The following ZMAT4 variants were observed in gnomAD, a reference collection of about 807,000 sequenced individuals.
ZMAT4 encodes the protein zinc finger matrin-type protein 4.
In ZMAT4, 17 loss-of-function variants were observed where a neutral mutation model predicts 28.7. The ratio of observed to expected loss-of-function variants is 0.59; its 90% CI spans 0.41 to 0.89. The LOEUF (loss-of-function observed/expected upper bound fraction) is 0.89, where lower values mean the gene tolerates loss of function less well. ZMAT4 is among the 40% of genes least tolerant of loss of function. The pLI, the probability that ZMAT4 is intolerant of heterozygous loss-of-function variation, is 0.00. For missense variants in ZMAT4, 240 were observed against 283.8 expected, an observed-to-expected ratio of 0.85 and a Z score of 1.11; for synonymous variants, 117 against 109.2, an observed-to-expected ratio of 1.07 and a Z score of -0.44.
chr8:40,755,694 C>T (rs1410915792), intron 3 of ZMAT4, among the ~76,000 whole-genome samples: 1 of 152,210 alleles, frequency 6.6e-6, no homozygotes, highest in Non-Finnish European at 1.5e-5. Context: ...CTCAAGCAAT[C>T]TGCCCGCCTT....
intron 6 of ZMAT4, among the ~76,000 whole-genome samples, chr8:40,558,304 T>G (rs563680726): frequency 6.6e-6 from 1 of 152,206 alleles, no homozygotes; most frequent in South Asian, 2.1e-4. Flanking sequence ...GATGATATTT[T>G]CCAATGTTCA....
At chr8:40,827,335 A>G (rs1421101685) in intron 1 of ZMAT4, among the ~76,000 whole-genome samples, 1 of 152,228 alleles carries the variant, frequency 6.6e-6, no homozygotes, top group Non-Finnish European at 1.5e-5. Context: ...TGCATTTGAA[A>G]GGGATCAGTA....
At chr8:40,766,841 AC>A (rs1813178392) in intron 3 of ZMAT4, among the ~76,000 whole-genome samples, 1 of 152,242 alleles carries the variant, frequency 6.6e-6, no homozygotes, top group Non-Finnish European at 1.5e-5. Flanking sequence ...ACCGTCATCT[AC>A]ATGGCAGCAG....
intron 3 of ZMAT4, among the ~76,000 whole-genome samples, chr8:40,740,263 A>G (rs1409270620): frequency 6.6e-6 from 1 of 152,208 alleles, no homozygotes; most frequent in Non-Finnish European, 1.5e-5. Context: ...ACCAACATAC[A>G]AAAGTGTTCC....
At chr8:40,894,402 G>A (rs1200298102) in intron 1 of ZMAT4, among the ~76,000 whole-genome samples, 4 of 152,064 alleles carry the variant, frequency 2.6e-5, no homozygotes, top group South Asian at 2.1e-4. Flanking sequence ...TCTACAATTA[G>A]ATCTCCACCC....
At chr8:40,688,609 G>C (rs1439370215) in intron 4 of ZMAT4, among the ~76,000 whole-genome samples, 1 of 152,136 alleles carries the variant, frequency 6.6e-6, no homozygotes, top group African/African-American at 2.4e-5. Context: ...ACTACTGAGT[G>C]CTCAACAAAC....
chr8:40,536,545 A>G (rs535111315), intron 6 of ZMAT4, among the ~76,000 whole-genome samples: 2 of 152,040 alleles, frequency 1.3e-5, no homozygotes, highest in East Asian at 1.9e-4. Context: ...CCTTGCGATT[A>G]CTCCACCTAT....
rs765998372 is a variant in ZMAT4 at position 40,767,650 on chromosome 8, C to T, written c.183G>A (p.Arg61=). The T allele has an allele frequency of 6.2e-7, 1 of 1,612,522 alleles. No homozygotes were observed. The change falls in exon 3 of 7, where the codon CGG becomes CGA. Residue 61 remains arginine, a synonymous_variant. Coordinates refer to ENST00000297737, the MANE Select transcript of ZMAT4 (RefSeq NM_024645.3). ...RDGGCPAKRL[R]SENGSDADMV... ...GGTACCAGATACTCACATTTTCTGA[C>T]CGGAGCCTCTTGGCAGGACACCCTC...
chr8:40,763,215 T>C (rs1418392727), intron 3 of ZMAT4, among the ~76,000 whole-genome samples: 1 of 152,172 alleles, frequency 6.6e-6, no homozygotes, highest in Non-Finnish European at 1.5e-5. Context: ...TTGGGGAAGG[T>C]GTCCATGTCC....
chr8:40,625,566 A>C (rs1806344451), intron 5 of ZMAT4, among the ~76,000 whole-genome samples: 1 of 152,074 alleles, frequency 6.6e-6, no homozygotes, highest in African/African-American at 2.4e-5. Flanking sequence ...AGAGGGAAAG[A>C]AAGGAACTGA....
intron 3 of ZMAT4, among the ~76,000 whole-genome samples, chr8:40,705,431 T>C (rs75019507): frequency 6.6e-6 from 1 of 152,194 alleles, no homozygotes; most frequent in Non-Finnish European, 1.5e-5. Context: ...GATATTTAAA[T>C]GTGCTTATTT....
intron 5 of ZMAT4, among the ~76,000 whole-genome samples, chr8:40,629,012 T>C (rs925615726): frequency 9.2e-5 from 14 of 151,406 alleles, no homozygotes; most frequent in African/African-American, 3.4e-4. Flanking sequence ...CTTTTCTTTT[T>C]TTTTTTTTAA....
chr8:40,685,930 C>T (rs952282059), intron 4 of ZMAT4, among the ~76,000 whole-genome samples: 12 of 152,066 alleles, frequency 7.9e-5, no homozygotes, highest in Non-Finnish European at 1.5e-4. Flanking sequence ...GGCCCAGCCA[C>T]GATAGATGTT....
rs534406600 is a variant in ZMAT4 at position 40,843,322 on chromosome 8, C to A, written c.-4-17642G>T. Among the ~76,000 whole-genome samples the A allele has an allele frequency of 2.0e-5, 3 of 152,292 alleles. No homozygotes were observed. The East Asian group carries it at 5.8e-4, about 29-fold the overall frequency. On this transcript the variant is annotated intron_variant, in intron 1 of 6. Transcript: ENST00000297737. ...ACTGCTCGACCCCACAGCCCCATGACAAAGGCCCCAGATGTACAACTGACC... is the reference window on the plus strand; with the variant it reads ...ACTGCTCGACCCCACAGCCCCATGAAAAAGGCCCCAGATGTACAACTGACC...
chr8:40,719,504 G>A (rs1441947973), intron 3 of ZMAT4, among the ~76,000 whole-genome samples: 2 of 152,106 alleles, frequency 1.3e-5, no homozygotes, highest in Admixed American at 6.6e-5. Flanking sequence ...AGAGAAAGCA[G>A]GGAGAAATAT....
chr8:40,781,761 C>CAAAAA (rs59432510), intron 2 of ZMAT4, among the ~76,000 whole-genome samples: 874 of 38,530 alleles, frequency 0.023, 3 homozygotes, highest in Non-Finnish European at 0.027. Context: ...GACTCCGTCT[C>CAAAAA]AAAAAAAAAA....
intron 2 of ZMAT4, among the ~76,000 whole-genome samples, chr8:40,809,335 G>A (rs1292503027): frequency 6.6e-6 from 1 of 152,172 alleles, no homozygotes; most frequent in Non-Finnish European, 1.5e-5. Flanking sequence ...GAAGGAGGGA[G>A]AGGGTCATGG....
chr8:40,815,448 A>G (rs1453667213), intron 2 of ZMAT4, among the ~76,000 whole-genome samples: 1 of 152,190 alleles, frequency 6.6e-6, no homozygotes, highest in African/African-American at 2.4e-5. Context: ...TGCCACTCAA[A>G]AGAGGAATGG....
intron 5 of ZMAT4, among the ~76,000 whole-genome samples, chr8:40,650,908 G>T (rs1226774983): frequency 1.3e-5 from 2 of 151,952 alleles, no homozygotes; most frequent in African/African-American, 4.8e-5. Context: ...AATAAATTAG[G>T]TATTGATGGG....
Sources: allele counts gnomAD v4.1 joint callset (sites outside exome capture counted in the v4.1 genomes callset), GRCh38; gene constraint gnomAD v4.1.1; transcripts MANE v1.5; gene names NCBI Gene and HGNC (gene_info 2026-07-23, HGNC 2026-07-21).